Variants in APAF1 observed in about 807,000 individuals in gnomAD.
APAF1 encodes the protein apoptotic protease-activating factor 1.
In APAF1, 91 loss-of-function variants were observed where a neutral mutation model predicts 152.4. That is an observed-to-expected ratio of 0.60 (90% confidence interval 0.50 to 0.71). The LOEUF is 0.71. Among genes scored for constraint, APAF1 ranks in the 30% least tolerant of loss-of-function variants. The probability of loss-of-function intolerance (pLI) is 0.00; values close to 1 mark genes in which losing one functional copy is unlikely to be tolerated. For synonymous variants in APAF1, 484 were observed against 494.1 expected (o/e 0.98, Z 0.27); for missense variants, 1,283 against 1,472.0 (o/e 0.87, Z 2.10).
intron 12 of APAF1, among the ~76,000 whole-genome samples, chr12:98,673,446 A>AC (rs1490141651): frequency 1.6e-4 from 24 of 151,892 alleles, no homozygotes; most frequent in East Asian, 1.2e-3. Context: ...AAAAAACAAA[A>AC]AAAAAAAAAA....
chr12:98,732,662 ATTG>A lies in APAF1; in HGVS notation c.*101_*103del. The A allele has an allele frequency of 2.4e-6, 2 of 834,698 alleles. No homozygotes were observed. The highest frequency in any genetic ancestry group is 3.3e-5 in the South Asian group (2 of 61,122). 51.7% of individuals were successfully genotyped at this position (834,698 alleles called of 1,614,324 possible). A position where few individuals can be genotyped will look rare whatever the true frequency, so the allele number is the denominator to read the frequency against. Reference sequence around the variant, plus strand: ...ATATCAACTTTTTATAAAGCTCTTAATTGTTGTGCAGTATTGCATTCATTACAA... The same window carrying A: ...ATATCAACTTTTTATAAAGCTCTTAATTGTGCAGTATTGCATTCATTACAA... On this transcript the variant is annotated 3_prime_UTR_variant, in exon 27 of 27. Transcript: ENST00000551964.
At chr12:98,670,898 T>C (rs2097679287) in intron 10 of APAF1, 75 bp from the exon 11 acceptor site, 1 of 813,078 alleles carries the variant, frequency 1.2e-6, no homozygotes, top group African/African-American at 1.7e-5. Context: ...CTTAGCAGTG[T>C]GAGGTTAATG....
At chr12:98,671,489 A>ATCG in intron 11 of APAF1, 46 bp from the exon 12 acceptor site, 1 of 1,565,624 alleles carries the variant, frequency 6.4e-7, no homozygotes. Context: ...AAAATGTCAG[A>ATCG]TCGTGGCTCT....
At chr12:98,659,467 T>C (rs2097661991) in intron 5 of APAF1, 124 bp downstream of exon 5, 1 of 1,065,856 alleles carries the variant, frequency 9.4e-7, no homozygotes, top group Non-Finnish European at 1.4e-6. Context: ...AGAGAACCAT[T>C]GCGGCCAGGT....
intron 17 of APAF1, among the ~76,000 whole-genome samples, chr12:98,701,834 G>A (rs1457326165): frequency 2.6e-5 from 4 of 152,070 alleles, no homozygotes; most frequent in African/African-American, 4.8e-5. Flanking sequence ...TCCTATGTGA[G>A]TCTACTCCTA....
In APAF1 at chr12:98,680,269, T is replaced by C; in HGVS notation, c.1921-8T>C. 1 of 1,585,608 alleles carries C rather than the reference T, an allele frequency of 6.3e-7. No homozygotes were observed. Among genetic ancestry groups the C allele is most frequent in the Non-Finnish European group, 8.6e-7 (1 of 1,163,934 alleles). On this transcript the variant is annotated splice_region_variant and splice_polypyrimidine_tract_variant and intron_variant, in intron 13 of 26. Coordinates refer to ENST00000551964, the MANE Select transcript of APAF1 (RefSeq NM_181861.2). ...ATTATAAAAAATATTTTATTGTTAC[T>C]TGTGCAGGTGTTCAAAGCTGAAACA...
At chr12:98,662,618 C>A (rs1352838693) in intron 6 of APAF1, 50 bp downstream of exon 6, 2 of 1,597,800 alleles carry the variant, frequency 1.3e-6, no homozygotes, top group Admixed American at 3.3e-5. Flanking sequence ...AATTTAATTA[C>A]ATTTAAATAT....
At chr12:98,698,022 A>G (rs1593081775) in intron 16 of APAF1, among the ~76,000 whole-genome samples, 1 of 152,300 alleles carries the variant, frequency 6.6e-6, no homozygotes, top group Non-Finnish European at 1.5e-5. Flanking sequence ...CTCAGAATGA[A>G]ATGCTGGTAT....
At position 98,733,887 on chromosome 12, in the gene APAF1, T is replaced by C. The variant is rs2097765528; in HGVS notation, c.*1321T>C. Reference sequence around the variant, plus strand: ...TGGACACTATTCCTGCTCCCTCTTGTTTCTTACATATCAGACTTCTTACTT... The same window carrying C: ...TGGACACTATTCCTGCTCCCTCTTGCTTCTTACATATCAGACTTCTTACTT... On this transcript the variant is annotated 3_prime_UTR_variant, in exon 27 of 27. Coordinates refer to ENST00000551964, the MANE Select transcript of APAF1 (RefSeq NM_181861.2). 2 of 151,966 alleles carry C rather than the reference T, an allele frequency of 1.3e-5. No individual in the cohort carries two copies. The highest frequency in any genetic ancestry group is 1.3e-4 in the Admixed American group (2 of 15,250). The allele number at this position is 151,966 out of a possible 1,614,324, so 9.4% of individuals were successfully genotyped here. A position where few individuals can be genotyped will look rare whatever the true frequency, so the allele number is the denominator to read the frequency against.
At chr12:98,718,301 C>CG (rs1319374150) in intron 22 of APAF1, among the ~76,000 whole-genome samples, 3 of 151,988 alleles carry the variant, frequency 2.0e-5, no homozygotes, top group Admixed American at 1.3e-4. Flanking sequence ...GGTGCAATCT[C>CG]GGCTCACTGA....
chr12:98,663,137 A>G (rs1299755482), intron 7 of APAF1, among the ~76,000 whole-genome samples: 1 of 152,192 alleles, frequency 6.6e-6, no homozygotes, highest in Non-Finnish European at 1.5e-5. Context: ...TTTTATAAAA[A>G]TAGTGTTCTA....
intron 4 of APAF1, among the ~76,000 whole-genome samples, chr12:98,655,417 C>T (rs1321497219): frequency 1.3e-5 from 2 of 148,580 alleles, no homozygotes; most frequent in Non-Finnish European, 3.0e-5. Flanking sequence ...CGGGCAGAGG[C>T]GCCCCTCACC....
At position 98,659,771 on chromosome 12, in the gene APAF1, A is replaced by AAG. The variant is rs1555214673; in HGVS notation, c.710+436_710+437dup. 1.2e-3 allele frequency among the ~76,000 whole-genome samples: 166 copies of AAG among 142,490 alleles called. 1 individual carries two copies. The highest frequency in any genetic ancestry group is 3.5e-3 in the Middle Eastern group (1 of 282). 93.5% of individuals were successfully genotyped at this position (142,490 alleles called of 152,430 possible). ...CCATCAGAAAAAAAAAAAAAAAAAA[A>AAG]AGAGAGAGAAAGAAAGAAAGAACCA... On this transcript the variant is annotated intron_variant, in intron 5 of 26. Coordinates refer to ENST00000551964, the MANE Select transcript of APAF1 (RefSeq NM_181861.2).
chr12:98,659,771 A>AG (rs202106733), intron 5 of APAF1, among the ~76,000 whole-genome samples: 2,460 of 142,080 alleles, frequency 0.017, 33 homozygotes, highest in Non-Finnish European at 0.023. Context: ...AAAAAAAAAA[A>AG]AGAGAGAGAA....
At chr12:98,690,519 T>A (rs1032320725) in intron 16 of APAF1, among the ~76,000 whole-genome samples, 4 of 152,362 alleles carry the variant, frequency 2.6e-5, no homozygotes, top group Non-Finnish European at 5.9e-5. Context: ...TAAGTTTTCC[T>A]TTCATCTTAT....
intron 15 of APAF1, among the ~76,000 whole-genome samples, chr12:98,685,408 T>C (rs2097696944): frequency 1.3e-5 from 2 of 151,900 alleles, no homozygotes; most frequent in African/African-American, 4.8e-5. Flanking sequence ...CGATCTTGGC[T>C]CACTGCAACC....
rs555603169 is a variant in APAF1 at position 98,675,567 on chromosome 12, A to G, written c.1794-1858A>G. On this transcript the variant is annotated intron_variant, in intron 12 of 26. Coordinates refer to ENST00000551964, the MANE Select transcript of APAF1 (RefSeq NM_181861.2). ...AACATGTACAGACTCTTTTCTTGTT[A>G]TTATTTCCTAAACACGATGGTATTA... Among the ~76,000 whole-genome samples, 16 of 152,254 alleles carry G rather than the reference A, an allele frequency of 1.1e-4. No individual in the cohort carries two copies. The South Asian group carries it at 1.7e-3, about 16-fold the overall frequency.
chr12:98,648,881 A>C (rs746604749), intron 3 of APAF1, 66 bp downstream of exon 3: 4 of 1,443,756 alleles, frequency 2.8e-6, no homozygotes, highest in Non-Finnish European at 3.9e-6. Flanking sequence ...CTTATTGTAG[A>C]TGTAATCTTT....
rs747821940 is a variant in APAF1, at chr12:98,699,444, A to G, written c.2341A>G (p.Ile781Val). The G allele has an allele frequency of 2.5e-6, 4 of 1,614,152 alleles. No individual in the cohort carries two copies. Among genetic ancestry groups the G allele is most frequent in the South Asian group, 1.1e-5 (1 of 91,084 alleles). ...GACATCAGCAAATGAGAGGAAAAGCATTAATGTGAAACAGTTCTTCCTAAA... is the reference window on the plus strand; with the variant it reads ...GACATCAGCAAATGAGAGGAAAAGCGTTAATGTGAAACAGTTCTTCCTAAA... ...DATSANERKSINVKQFFLNLE... is the reference protein window; with the variant it reads ...DATSANERKSVNVKQFFLNLE... The change falls in exon 17 of 27, where the codon ATT becomes GTT. Residue 781 changes from isoleucine to valine, a missense_variant. Coordinates refer to ENST00000551964, the MANE Select transcript of APAF1 (RefSeq NM_181861.2).
Sources: gnomAD v4.1 joint callset for allele counts (sites outside exome capture counted in the v4.1 genomes callset) on GRCh38, gnomAD v4.1.1 for gene constraint, MANE v1.5 for transcripts, NCBI Gene and HGNC (gene_info 2026-07-23, HGNC 2026-07-21) for gene names.